Variants in SOX6 observed in about 807,000 individuals in gnomAD.
The protein encoded by SOX6 is SRY-box transcription factor 6, also known as transcription factor SOX-6.
Under a neutral mutation model 97.8 loss-of-function variants are expected in SOX6, and 11 were observed. The observed-to-expected ratio is 0.11, with a 90% CI of 0.07 to 0.19. The LOEUF (loss-of-function observed/expected upper bound fraction) is 0.19. Among genes scored for constraint, SOX6 ranks in the 10% least tolerant of loss-of-function variants. The pLI, the probability that SOX6 is intolerant of heterozygous loss-of-function variation, is 1.00. For synonymous variants in SOX6, 360 were observed against 371.4 expected (o/e 0.97, Z 0.35); for missense variants, 810 against 1,039.5 (o/e 0.78, Z 3.04).
chr11:16,689,386 G>T (rs1339020833), intron 3 of SOX6, among the ~76,000 whole-genome samples: 2 of 152,154 alleles, frequency 1.3e-5, no homozygotes, highest in Non-Finnish European at 2.9e-5. Context: ...CTCTCTCAAG[G>T]TTGTAAGCTG....
intron 4 of SOX6, among the ~76,000 whole-genome samples, chr11:16,190,769 C>T (rs1264274336): frequency 2.6e-5 from 4 of 152,068 alleles, no homozygotes; most frequent in Admixed American, 2.6e-4. Context: ...TCAAAATGTG[C>T]AGATTAATTT....
At chr11:16,349,301 T>C (rs942344723) in intron 1 of SOX6, among the ~76,000 whole-genome samples, 1 of 152,090 alleles carries the variant, frequency 6.6e-6, no homozygotes, top group Non-Finnish European at 1.5e-5. Flanking sequence ...CCATCAATAA[T>C]GTCATTTTTA....
In SOX6 at chr11:16,186,899, G is replaced by C; in HGVS notation, c.592C>G (p.Leu198Val). The C allele has an allele frequency of 6.2e-7, 1 of 1,613,858 alleles. No homozygotes were observed. ...ERQLSTMITQ[L>V]ISLREQLLAA... ...AGTAGCTGCTCCCGTAAACTGATCAGCTGGGTAATCATGGTGGAGAGCTGC... is the reference window on the plus strand; with the variant it reads ...AGTAGCTGCTCCCGTAAACTGATCACCTGGGTAATCATGGTGGAGAGCTGC... Residue 198 changes from leucine to valine, a missense_variant, in exon 5 of 16, where the codon CTG becomes GTG. This residue lies in a region of SOX6 where 110 missense variants were observed against 119.0 expected (regional missense o/e 0.92). Transcript: ENST00000683767.
At chr11:16,531,222 C>T (rs1233185848) in intron 4 of SOX6, among the ~76,000 whole-genome samples, 4 of 150,766 alleles carry the variant, frequency 2.7e-5, no homozygotes, top group Non-Finnish European at 5.9e-5. Flanking sequence ...ATTTTCAAGA[C>T]AACAAATCCC....
At chr11:16,585,196 T>A (rs950881830) in intron 4 of SOX6, among the ~76,000 whole-genome samples, 2 of 152,224 alleles carry the variant, frequency 1.3e-5, no homozygotes, top group African/African-American at 4.8e-5. Flanking sequence ...TAGTTCACAT[T>A]ACGTTTCAGT....
At position 15,972,429 on chromosome 11, in the gene SOX6, C is replaced by A; in HGVS notation, c.*380G>T. Reference sequence around the variant, plus strand: ...CAACCTGTAGGCCGGCACAGCATACCTGAGTGAGAATGTTTAACCCCATCT... The same window carrying A: ...CAACCTGTAGGCCGGCACAGCATACATGAGTGAGAATGTTTAACCCCATCT... On this transcript the variant is annotated 3_prime_UTR_variant, in exon 16 of 16. Transcript: ENST00000683767. 1 of 234,336 alleles carries A rather than the reference C, an allele frequency of 4.3e-6. No individual in the cohort carries two copies. Among genetic ancestry groups the A allele is most frequent in the Non-Finnish European group, 8.5e-6 (1 of 117,394 alleles). The allele number at this position is 234,336 out of a possible 1,614,324, so 14.5% of individuals were successfully genotyped here.
intron 3 of SOX6, chr11:16,318,222 G>A: frequency 1.8e-6 from 1 of 563,866 alleles, no homozygotes; most frequent in South Asian, 2.0e-5. Context: ...GTTATCTTAA[G>A]AACCAAATAA....
Position 16,318,571 on chromosome 11 carries a change from C to T in SOX6, c.320G>A (p.Arg107Gln). The T allele has an allele frequency of 2.5e-6, 4 of 1,613,556 alleles. No homozygotes were observed. Among genetic ancestry groups the T allele is most frequent in the South Asian group, 2.2e-5 (2 of 91,080 alleles). Residue 107 changes from arginine (R) to glutamine (Q), a missense_variant, in exon 3 of 16, where the codon CGG becomes CAG. Physicochemically the swap from Arg to Gln is conservative, Grantham distance 43 (BLOSUM62 1). Around this residue, in one of 9 missense-constraint regions of SOX6, gnomAD observed 46 missense variants for 84.1 expected, o/e 0.55. Coordinates refer to ENST00000683767, the MANE Select transcript of SOX6 (RefSeq NM_001367873.1). ...TSPHKPDEGSRDREIMTSVTF... is the reference protein window; with the variant it reads ...TSPHKPDEGSQDREIMTSVTF... The stretch of plus-strand genomic sequence containing the variant: ...AACACTGGTCATTATCTCACGGTCC[C>T]GACTCCCTTCGTCAGGCTTATGTGG...
upstream of SOX6, among the ~76,000 whole-genome samples, chr11:16,479,524 T>C (rs1245359913): frequency 1.3e-5 from 2 of 148,456 alleles, no homozygotes; most frequent in African/African-American, 2.5e-5. Context: ...AGTGAGACTC[T>C]GTCTTAAAAA....
chr11:16,576,601 C>CT (rs1203950868), intron 4 of SOX6, among the ~76,000 whole-genome samples: 1 of 151,974 alleles, frequency 6.6e-6, no homozygotes, highest in African/African-American at 2.4e-5. Flanking sequence ...AAACATTATC[C>CT]TTTTTTTAAC....
At chr11:16,080,730 C>T (rs1848454915) in intron 9 of SOX6, among the ~76,000 whole-genome samples, 2 of 152,044 alleles carry the variant, frequency 1.3e-5, no homozygotes. Flanking sequence ...GGGAGAAAAA[C>T]ATAATATAAT....
chr11:16,477,691 GT>G (rs1190666483), upstream of SOX6, among the ~76,000 whole-genome samples: 3 of 151,738 alleles, frequency 2.0e-5, no homozygotes, highest in African/African-American at 7.3e-5. Context: ...TCTAAAAAAA[GT>G]TTTTTTTTAA....
intron 6 of SOX6, among the ~76,000 whole-genome samples, chr11:16,139,413 CTTTTATTTT>C (rs1850068756): frequency 6.6e-6 from 1 of 152,040 alleles, no homozygotes; most frequent in South Asian, 2.1e-4. Flanking sequence ...TTTCTCTTCT[CTTTTATTTT>C]TTCATTTATT....
intron 10 of SOX6, among the ~76,000 whole-genome samples, chr11:16,054,464 G>T (rs1319912957): frequency 6.6e-6 from 1 of 152,006 alleles, no homozygotes; most frequent in African/African-American, 2.4e-5. Flanking sequence ...TATTTCTTTG[G>T]AGAATCTAAA....
At chr11:16,002,961 AACTAGCCTTCTGGCTGATATTCTTAC>A (rs1362955458) in intron 13 of SOX6, among the ~76,000 whole-genome samples, 4 of 152,152 alleles carry the variant, frequency 2.6e-5, no homozygotes, top group Non-Finnish European at 2.9e-5. Context: ...CTATTATAAA[AACTAGCCTTCTGGCTGATATTCTTAC>A]ACCCAGTTTT....
rs956985247 is a variant in SOX6, at chr11:16,106,350, A to G, written c.898+5453T>C. ...GGTACTGGCATAAGGAGACATATAT[A>G]TATATATACATATGTGTGTGTGTAT... On this transcript the variant is annotated intron_variant, in intron 7 of 15. Transcript: ENST00000683767. Among the ~76,000 whole-genome samples the G allele has an allele frequency of 4.8e-4, 73 of 152,010 alleles. 1 individual carries two copies. Among genetic ancestry groups the G allele is most frequent in the African/African-American group, 1.5e-3 (63 of 41,416 alleles).
intron 6 of SOX6, among the ~76,000 whole-genome samples, chr11:16,119,437 C>T (rs2134004964): frequency 6.6e-6 from 1 of 152,330 alleles, no homozygotes; most frequent in South Asian, 2.1e-4. Context: ...CTGAACTTCT[C>T]TTTGTTGGCC....
intron 15 of SOX6, among the ~76,000 whole-genome samples, chr11:15,982,805 C>A (rs1264310457): frequency 6.6e-6 from 1 of 151,876 alleles, no homozygotes; most frequent in Non-Finnish European, 1.5e-5. Context: ...TTGGTTGAAT[C>A]CACACAGATA....
intron 2 of SOX6, among the ~76,000 whole-genome samples, chr11:16,330,517 A>T (rs1029219154): frequency 2.0e-5 from 3 of 152,302 alleles, no homozygotes; most frequent in South Asian, 2.1e-4. Context: ...ATATCAAGCC[A>T]CTGCACTCCA....
Sources: allele counts gnomAD v4.1 joint callset (sites outside exome capture counted in the v4.1 genomes callset), GRCh38; gene constraint gnomAD v4.1.1; regional missense constraint gnomAD v4.1.1; transcripts MANE v1.5; gene names NCBI Gene and HGNC (gene_info 2026-07-23, HGNC 2026-07-21).